Variants in VWA8 observed in about 807,000 individuals in gnomAD.
VWA8 encodes von Willebrand factor A domain containing 8.
A neutral mutation model predicts 241.5 loss-of-function variants in VWA8; 221 were observed. That is an observed-to-expected ratio of 0.91 (90% CI 0.82 to 1.02). The LOEUF (loss-of-function observed/expected upper bound fraction) is 1.02. Ranked by LOEUF, VWA8 falls within the 50% of genes least tolerant of loss-of-function variation. The pLI is 0.00. For missense variants in VWA8, 2,322 were observed against 2,328.7 expected, an observed-to-expected ratio of 1.00 and a Z score of 0.06; for synonymous variants, 852 against 827.1, an observed-to-expected ratio of 1.03 and a Z score of -0.52.
Position 41,727,328 on chromosome 13 carries a change from TTG to T in VWA8, c.2639-17_2639-16del, listed in dbSNP as rs1300157334. 2.1e-6 allele frequency: 3 copies of T among 1,416,278 alleles called. No homozygotes were observed. The highest frequency in any genetic ancestry group is 1.9e-6 in the Non-Finnish European group (2 of 1,056,082). 87.7% of individuals were successfully genotyped at this position (1,416,278 alleles called of 1,614,324 possible). On this transcript the variant is annotated splice_polypyrimidine_tract_variant and intron_variant, in intron 23 of 44. Transcript: ENST00000379310. ...ATTAGCAGAATCTGAAAAACAAAATTTGTTTATTCTTTATCAATATTTAATAA... is the reference window on the plus strand; with the variant it reads ...ATTAGCAGAATCTGAAAAACAAAATTTTTATTCTTTATCAATATTTAATAA...
chr13:41,732,628 A>G (rs2137866126), intron 21 of VWA8, among the ~76,000 whole-genome samples: 1 of 152,270 alleles, frequency 6.6e-6, no homozygotes, highest in African/African-American at 2.4e-5. Context: ...TGCCATCACT[A>G]GGTGCCAAAG....
At chr13:41,788,047 CTA>C (rs963888596) in intron 17 of VWA8, among the ~76,000 whole-genome samples, 1 of 152,110 alleles carries the variant, frequency 6.6e-6, no homozygotes, top group African/African-American at 2.4e-5. Flanking sequence ...CTTATCTATT[CTA>C]TGTGTATGTT....
At chr13:41,702,024 AC>A (rs2045253603) in intron 27 of VWA8, among the ~76,000 whole-genome samples, 1 of 152,232 alleles carries the variant, frequency 6.6e-6, no homozygotes, top group Non-Finnish European at 1.5e-5. Context: ...TTTTTAAAAA[AC>A]CAAACTTACT....
intron 38 of VWA8, 47 bp downstream of exon 38, chr13:41,614,928 TG>T: frequency 6.3e-7 from 1 of 1,597,248 alleles, no homozygotes; most frequent in Non-Finnish European, 8.6e-7. Flanking sequence ...CTAATGGGCT[TG>T]GGAAACCTGG....
intron 12 of VWA8, among the ~76,000 whole-genome samples, chr13:41,835,411 CTTTA>C (rs767247801): frequency 3.9e-5 from 6 of 152,108 alleles, no homozygotes; most frequent in South Asian, 2.1e-4. Context: ...TTTTAAATAA[CTTTA>C]TTTAATTCTT....
intron 12 of VWA8, among the ~76,000 whole-genome samples, chr13:41,836,321 T>C (rs2138008796): frequency 6.6e-6 from 1 of 152,328 alleles, no homozygotes; most frequent in South Asian, 2.1e-4. Context: ...ATTCAACTAA[T>C]ATCATACTTT....
chr13:41,627,952 G>C (rs891543867), intron 37 of VWA8, among the ~76,000 whole-genome samples: 1 of 152,148 alleles, frequency 6.6e-6, no homozygotes, highest in Non-Finnish European at 1.5e-5. Flanking sequence ...AGGGAACATA[G>C]GCCGATTCAC....
intron 21 of VWA8, among the ~76,000 whole-genome samples, chr13:41,758,597 T>A (rs1279233110): frequency 6.7e-6 from 1 of 149,774 alleles, no homozygotes; most frequent in Non-Finnish European, 1.5e-5. Flanking sequence ...GTTCTAATGC[T>A]TTTTTTATAT....
chr13:41,869,838 T>TA (rs1044882532), intron 9 of VWA8, among the ~76,000 whole-genome samples: 8 of 152,006 alleles, frequency 5.3e-5, no homozygotes, highest in Non-Finnish European at 8.8e-5. Flanking sequence ...ATGCTCAATA[T>TA]AAAAAACTGA....
intron 21 of VWA8, among the ~76,000 whole-genome samples, chr13:41,750,491 A>AAAAG (rs2045647340): frequency 6.7e-6 from 1 of 149,858 alleles, no homozygotes; most frequent in Non-Finnish European, 1.5e-5. Flanking sequence ...GGAAAAAAAG[A>AAAAG]AAGGAAGGAA....
At chr13:41,762,008 T>C (rs1208222900) in intron 20 of VWA8, among the ~76,000 whole-genome samples, 2 of 152,104 alleles carry the variant, frequency 1.3e-5, no homozygotes, top group Admixed American at 1.3e-4. Flanking sequence ...TAACTCTTAC[T>C]GATTCTTATA....
At chr13:41,742,777 G>A (rs1307579286) in intron 21 of VWA8, among the ~76,000 whole-genome samples, 2 of 152,084 alleles carry the variant, frequency 1.3e-5, no homozygotes, top group African/African-American at 4.8e-5. Context: ...AAACACATGA[G>A]ATCCAAATGG....
rs184439946 is a variant in VWA8, at chr13:41,898,002, C to T, written c.484-6415G>A. Among the ~76,000 whole-genome samples the T allele has an allele frequency of 5.3e-5, 8 of 152,190 alleles. No individual in the cohort carries two copies. The East Asian group carries it at 9.7e-4, about 18-fold the overall frequency. On this transcript the variant is annotated intron_variant, in intron 4 of 44. Transcript: ENST00000379310. ...TAGACACAAAGGTTCTCCACATCCCCACCAGATTAGCTAGATACAGTGTTG... is the reference window on the plus strand; with the variant it reads ...TAGACACAAAGGTTCTCCACATCCCTACCAGATTAGCTAGATACAGTGTTG...
At chr13:41,639,656 C>T (rs1445718197) in intron 37 of VWA8, among the ~76,000 whole-genome samples, 2 of 152,122 alleles carry the variant, frequency 1.3e-5, no homozygotes, top group East Asian at 3.8e-4. Flanking sequence ...GCTTTATACA[C>T]ACTGAGGAAG....
chr13:41,758,562 T>A (rs1292298263), intron 21 of VWA8, among the ~76,000 whole-genome samples: 1 of 142,560 alleles, frequency 7.0e-6, no homozygotes. Context: ...TTTCCTTGTA[T>A]CTTATGACCT....
intron 37 of VWA8, among the ~76,000 whole-genome samples, chr13:41,660,836 T>C (rs12865594): frequency 0.022 from 3,333 of 152,176 alleles, 79 homozygotes; most frequent in African/African-American, 0.061. Flanking sequence ...GAAAGAGTAT[T>C]AGGGATTAAG....
chr13:41,776,675 A>G (rs965612110), intron 20 of VWA8, among the ~76,000 whole-genome samples: 4 of 152,182 alleles, frequency 2.6e-5, no homozygotes, highest in African/African-American at 9.6e-5. Flanking sequence ...ATCTCATGAC[A>G]TCCTTACGTT....
intron 37 of VWA8, among the ~76,000 whole-genome samples, chr13:41,638,671 G>A (rs369349262): frequency 5.9e-5 from 9 of 152,200 alleles, no homozygotes; most frequent in African/African-American, 1.9e-4. Flanking sequence ...GCAGATGGAG[G>A]AGGCAGGGCC....
At chr13:41,952,094 T>G (rs529617731) in intron 1 of VWA8, among the ~76,000 whole-genome samples, 1 of 152,170 alleles carries the variant, frequency 6.6e-6, no homozygotes, top group Non-Finnish European at 1.5e-5. Flanking sequence ...TCACGCAATC[T>G]ATCACAGAGA....
Sources: gnomAD v4.1 joint callset for allele counts (sites outside exome capture counted in the v4.1 genomes callset) on GRCh38, gnomAD v4.1.1 for gene constraint, MANE v1.5 for transcripts, NCBI Gene and HGNC (gene_info 2026-07-23, HGNC 2026-07-21) for gene names.